Variants in GOLGA4 observed in about 807,000 individuals in gnomAD.
GOLGA4 encodes the protein golgin A4, also known as golgin subfamily A member 4.
Under a neutral mutation model 265.9 loss-of-function variants are expected in GOLGA4, and 169 were observed. The observed-to-expected ratio is 0.64, with a 90% CI of 0.56 to 0.72. The LOEUF is 0.72. Ranked by LOEUF, GOLGA4 falls within the 30% of genes least tolerant of loss-of-function variation. The pLI is 0.00. For synonymous variants in GOLGA4, 923 were observed against 855.8 expected (o/e 1.08, Z -1.37); for missense variants, 2,482 against 2,483.4 (o/e 1.00, Z 0.01).
intron 2 of GOLGA4, among the ~76,000 whole-genome samples, chr3:37,251,855 T>C (rs960559888): frequency 1.3e-5 from 2 of 152,172 alleles, no homozygotes; most frequent in African/African-American, 4.8e-5. Context: ...GGCTAACGTT[T>C]AAATTTTTCG....
At chr3:37,244,648 A>G (rs2096713882) in intron 1 of GOLGA4, among the ~76,000 whole-genome samples, 1 of 152,212 alleles carries the variant, frequency 6.6e-6, no homozygotes, top group African/African-American at 2.4e-5. Context: ...AGGCATTTCT[A>G]AATTCTTAAC....
intron 10 of GOLGA4, chr3:37,313,321 A>G (rs1473683445): frequency 6.6e-6 from 1 of 152,214 alleles, no homozygotes. Flanking sequence ...TTTGCCTTTA[A>G]TAAAATGCTT....
Position 37,328,491 on chromosome 3 carries a change from G to T in GOLGA4, c.6015G>T (p.Leu2005=). 1 of 1,612,646 alleles carries T rather than the reference G, an allele frequency of 6.2e-7. No individual in the cohort carries two copies. The highest frequency in any genetic ancestry group is 1.1e-5 in the South Asian group (1 of 90,992). ...TGATGAGGGAGTTTAATACACAGCTGGCACAAAAGGAACAAGAGCTGGAAA... is the reference window on the plus strand; with the variant it reads ...TGATGAGGGAGTTTAATACACAGCTTGCACAAAAGGAACAAGAGCTGGAAA... ...KQLMREFNTQ[L]AQKEQELEMT... The change falls in exon 15 of 24, where the codon CTG becomes CTT. Residue 2005 remains leucine, a synonymous_variant. Transcript: ENST00000361924.
chr3:37,347,015 A>G (rs925868247), intron 20 of GOLGA4, among the ~76,000 whole-genome samples, 178 bp from the exon 21 acceptor site: 1 of 152,238 alleles, frequency 6.6e-6, no homozygotes, highest in Non-Finnish European at 1.5e-5. Context: ...TTTCGCTTCC[A>G]AGCATAAAAT....
intron 2 of GOLGA4, among the ~76,000 whole-genome samples, chr3:37,269,452 G>A (rs1434603402): frequency 6.6e-6 from 1 of 152,108 alleles, no homozygotes; most frequent in Non-Finnish European, 1.5e-5. Flanking sequence ...AAAAAGAGAA[G>A]AAAATGTAGG....
chr3:37,268,299 A>G (rs1019664586), intron 2 of GOLGA4, among the ~76,000 whole-genome samples: 1 of 152,062 alleles, frequency 6.6e-6, no homozygotes, highest in Non-Finnish European at 1.5e-5. Context: ...GCTCAGACTC[A>G]TCTTGAATTC....
chr3:37,298,980 A>C lies in GOLGA4; in HGVS notation c.962A>C (p.Glu321Ala), dbSNP rs775129929. The change falls in exon 8 of 24, where the codon GAA (glutamate) becomes GCA (alanine). Residue 321 changes from glutamate to alanine, a missense_variant. Glu to Ala is a moderately radical substitution (Grantham distance 107). Around this residue, in one of 3 missense-constraint regions of GOLGA4, gnomAD observed 1,536 missense variants for 1,483.7 expected, o/e 1.04. Transcript: ENST00000361924. ...LLTSEKEALQ[E>A]QLDERLQELE... ...ACTAGTGAAAAAGAAGCTCTGCAAG[A>C]ACAACTGGATGAAAGACTTCAAGAA... The C allele has an allele frequency of 1.2e-6, 2 of 1,602,652 alleles. No homozygotes were observed. The highest frequency in any genetic ancestry group is 1.7e-6 in the Non-Finnish European group (2 of 1,177,346).
At chr3:37,309,268 A>G (rs1349361343) in intron 10 of GOLGA4, among the ~76,000 whole-genome samples, 3 of 145,768 alleles carry the variant, frequency 2.1e-5, no homozygotes, top group African/African-American at 7.7e-5. Context: ...AAAAATAACA[A>G]TTATAGGCCG....
intron 16 of GOLGA4, among the ~76,000 whole-genome samples, chr3:37,332,204 A>C (rs1009440219): frequency 6.6e-6 from 1 of 152,200 alleles, no homozygotes; most frequent in East Asian, 1.9e-4. Flanking sequence ...GTTCCAGCCA[A>C]ACTCAACCAT....
intron 6 of GOLGA4, among the ~76,000 whole-genome samples, chr3:37,295,595 A>T (rs1433016048): frequency 6.6e-6 from 1 of 152,210 alleles, no homozygotes; most frequent in Admixed American, 6.5e-5. Flanking sequence ...GCAAATATAA[A>T]AACCAGCTGT....
At chr3:37,358,837 G>A (rs2097097137) in intron 22 of GOLGA4, among the ~76,000 whole-genome samples, 1 of 152,150 alleles carries the variant, frequency 6.6e-6, no homozygotes, top group South Asian at 2.1e-4. Context: ...ACCTTAGAGT[G>A]CCAGCGACAT....
At position 37,301,047 on chromosome 3, in the gene GOLGA4, T is replaced by A. The variant is rs2096891352; in HGVS notation, c.1087-1138T>A. Among the ~76,000 whole-genome samples, 3 of 152,222 alleles carry A rather than the reference T, an allele frequency of 2.0e-5. No individual in the cohort carries two copies. The South Asian group carries it at 6.2e-4, about 32-fold the overall frequency. ...GCCTCACTTACGTGGTTGTTATCTC[T>A]CTGTCTCTCCATTAATATTAGCCAT... On this transcript the variant is annotated intron_variant, in intron 9 of 23. Coordinates refer to ENST00000361924, the MANE Select transcript of GOLGA4 (RefSeq NM_002078.5).
At chr3:37,244,342 G>C (rs142290973) in intron 1 of GOLGA4, among the ~76,000 whole-genome samples, 1 of 152,236 alleles carries the variant, frequency 6.6e-6, no homozygotes. Context: ...AAGTCTTGCT[G>C]CTCTGCGGAC....
chr3:37,362,197 TTTTATTTATTTA>T (rs144532752), intron 23 of GOLGA4, among the ~76,000 whole-genome samples: 39,805 of 135,202 alleles, frequency 0.29, 6,200 homozygotes, highest in East Asian at 0.54. Flanking sequence ...TCTTTTAAGC[TTTTATTTATTTA>T]TTTATTTATT....
chr3:37,333,286 A>G (rs1232130872), intron 16 of GOLGA4, among the ~76,000 whole-genome samples: 2 of 152,224 alleles, frequency 1.3e-5, no homozygotes. Context: ...TTGTTTTGGC[A>G]TAATAACTAG....
At chr3:37,252,317 C>CT (rs34906290) in intron 2 of GOLGA4, among the ~76,000 whole-genome samples, 53,189 of 138,154 alleles carry the variant, frequency 0.38, 10,324 homozygotes, top group Non-Finnish European at 0.43. Context: ...TGCTTGCTTC[C>CT]TTTTTTTTTT....
At chr3:37,255,281 C>T (rs2096745410) in intron 2 of GOLGA4, among the ~76,000 whole-genome samples, 1 of 152,146 alleles carries the variant, frequency 6.6e-6, no homozygotes, top group African/African-American at 2.4e-5. Flanking sequence ...CCTGCCTCAA[C>T]CTCCCGAGTA....
At chr3:37,266,567 A>T in intron 2 of GOLGA4, among the ~76,000 whole-genome samples, 1 of 152,026 alleles carries the variant, frequency 6.6e-6, no homozygotes, top group Non-Finnish European at 1.5e-5. Flanking sequence ...GGTGGTTCCT[A>T]TTGCCTATAT....
intron 23 of GOLGA4, among the ~76,000 whole-genome samples, chr3:37,365,365 T>C (rs1696668954): frequency 6.6e-6 from 1 of 151,986 alleles, no homozygotes; most frequent in South Asian, 2.1e-4. Flanking sequence ...GCCTCCTGAG[T>C]TCAAGTGATT....
Sources: gnomAD v4.1 joint callset for allele counts (sites outside exome capture counted in the v4.1 genomes callset) on GRCh38, gnomAD v4.1.1 for gene constraint, gnomAD v4.1.1 regional missense constraint, MANE v1.5 for transcripts, NCBI Gene and HGNC (gene_info 2026-07-23, HGNC 2026-07-21) for gene names.